MTMR6: variants seen among roughly 807,000 people sequenced by gnomAD.
MTMR6 encodes phosphatidylinositol-3,5-bisphosphate 3-phosphatase MTMR6.
A neutral mutation model predicts 80.1 loss-of-function variants in MTMR6; 47 were observed. That is an observed-to-expected ratio of 0.59 (90% CI 0.46 to 0.75). The LOEUF (loss-of-function observed/expected upper bound fraction) is 0.75. Among genes scored for constraint, MTMR6 ranks in the 30% least tolerant of loss-of-function variants. The probability of loss-of-function intolerance (pLI) is 0.00; values close to 1 mark genes in which losing one functional copy is unlikely to be tolerated. For missense variants in MTMR6, 629 were observed against 730.9 expected (o/e 0.86, Z 1.61); for synonymous variants, 254 against 253.0 (o/e 1.00, Z -0.04).
In MTMR6 at chr13:25,261,551, A is replaced by G. The variant is rs74042903; in HGVS notation, c.726+117T>C. ...TGATTTCCTTAGTATCATTAGCCTT[A>G]GTTAATTTAAAACTAGGATTCAGAT... On this transcript the variant is annotated intron_variant, in intron 6 of 13. Coordinates refer to ENST00000381801, the MANE Select transcript of MTMR6 (RefSeq NM_004685.5). The G allele has an allele frequency of 6.3e-3, 5,544 of 883,006 alleles. 226 individuals carry two copies. In the African/African-American group the frequency reaches 0.084, roughly 13 times the overall value. 54.7% of individuals were successfully genotyped at this position (883,006 alleles called of 1,614,324 possible).
chr13:25,253,073 C>T (rs868304446), intron 11 of MTMR6, among the ~76,000 whole-genome samples: 2 of 152,004 alleles, frequency 1.3e-5, no homozygotes, highest in African/African-American at 4.8e-5. Flanking sequence ...ATACATAGGA[C>T]CTCTAAGACC....
At chr13:25,267,667 C>T (rs1187745306) in intron 3 of MTMR6, 112 bp downstream of exon 3, 2 of 1,091,810 alleles carry the variant, frequency 1.8e-6, no homozygotes, top group South Asian at 1.8e-5. Context: ...ACAAAAGAAC[C>T]TGACTGTCAG....
intron 10 of MTMR6, 60 bp downstream of exon 10, chr13:25,254,325 G>A (rs1189509715): frequency 1.5e-5 from 18 of 1,179,926 alleles, no homozygotes; most frequent in African/African-American, 3.0e-5. Flanking sequence ...GAAACATTTT[G>A]GCATTCTAAA....
rs1030675314 is a variant in MTMR6 at position 25,250,263 on chromosome 13, G to C, written c.1606-771C>G. Among the ~76,000 whole-genome samples the C allele has an allele frequency of 2.6e-5, 4 of 152,108 alleles. No individual in the cohort carries two copies. The South Asian group carries it at 6.2e-4, about 24-fold the overall frequency. On this transcript the variant is annotated intron_variant, in intron 13 of 13. Coordinates refer to ENST00000381801, the MANE Select transcript of MTMR6 (RefSeq NM_004685.5). Reference sequence around the variant, plus strand: ...TAGGATGGCAGAAAAAAGATTATAGGAAAGTCTTAGGGTAGAGAGGGATTT... The same window carrying C: ...TAGGATGGCAGAAAAAAGATTATAGCAAAGTCTTAGGGTAGAGAGGGATTT...
intron 6 of MTMR6, 122 bp downstream of exon 6, chr13:25,261,546 G>A: frequency 2.4e-6 from 2 of 845,912 alleles, no homozygotes; most frequent in Non-Finnish European, 3.4e-6. Context: ...AGTATCATTA[G>A]CCTTAGTTAA....
In MTMR6 at chr13:25,276,412, AG is replaced by A. The variant is rs376688920; in HGVS notation, c.25-2226del. Reference sequence around the variant, plus strand: ...ACTGGCAAGTAGTTTAAAAGTGGGGAGGGGCTGATTTTATTACTATTTAAAT... The same window carrying A: ...ACTGGCAAGTAGTTTAAAAGTGGGGAGGGCTGATTTTATTACTATTTAAAT... On this transcript the variant is annotated intron_variant, in intron 1 of 13. Transcript: ENST00000381801. Among the ~76,000 whole-genome samples, 4 of 152,328 alleles carry A rather than the reference AG, an allele frequency of 2.6e-5. No individual in the cohort carries two copies. The East Asian group carries it at 7.7e-4, about 29-fold the overall frequency.
chr13:25,251,323 T>C lies in MTMR6; in HGVS notation c.1605+326A>G, dbSNP rs911705214. On this transcript the variant is annotated intron_variant, in intron 13 of 13. Transcript: ENST00000381801. This position sits in a 1 kb window ranked among gnomAD's most constrained non-coding sequence, Gnocchi z 4.1. ...GGCGTGAGCCACTGCGCCCGGCCTATGTTTTATTTCTTAAAACAAGAACAA... is the reference window on the plus strand; with the variant it reads ...GGCGTGAGCCACTGCGCCCGGCCTACGTTTTATTTCTTAAAACAAGAACAA... Among the ~76,000 whole-genome samples, 3 of 152,308 alleles carry C rather than the reference T, an allele frequency of 2.0e-5. No individual in the cohort carries two copies. The highest frequency in any genetic ancestry group is 2.9e-5 in the Non-Finnish European group (2 of 68,020).
Position 25,249,098 on chromosome 13 carries a change from C to A in MTMR6, c.*134G>T. On this transcript the variant is annotated 3_prime_UTR_variant, in exon 14 of 14. Transcript: ENST00000381801. ...TTCTCTCACAAGGGTAGTTATTATC[C>A]TTCCTTCAACTATTAGCCTACTGTT... The A allele has an allele frequency of 9.3e-6, 8 of 862,150 alleles. No individual in the cohort carries two copies. The highest frequency in any genetic ancestry group is 2.9e-5 in the Admixed American group (1 of 33,952). The allele number at this position is 862,150 out of a possible 1,614,324, so 53.4% of individuals were successfully genotyped here. A position where few individuals can be genotyped will look rare whatever the true frequency, so the allele number is the denominator to read the frequency against.
intron 9 of MTMR6, among the ~76,000 whole-genome samples, chr13:25,255,726 A>G (rs1441040880): frequency 6.6e-6 from 1 of 151,872 alleles, no homozygotes; most frequent in Non-Finnish European, 1.5e-5. Flanking sequence ...GTTTCACCAT[A>G]TTGGCCAGGC....
Position 25,246,769 on chromosome 13 carries a change from T to C in MTMR6, c.*2463A>G, listed in dbSNP as rs371291248. On this transcript the variant is annotated 3_prime_UTR_variant, in exon 14 of 14. Coordinates refer to ENST00000381801, the MANE Select transcript of MTMR6 (RefSeq NM_004685.5). ...ACCCGACCAAATAAATTGAATTTGT[T>C]TTAAAAGAGTTCCCTTCATCTTTAC... is the stretch of plus-strand genomic sequence containing the variant. 1 of 152,702 alleles carries C rather than the reference T, an allele frequency of 6.5e-6. No individual in the cohort carries two copies. Among genetic ancestry groups the C allele is most frequent in the East Asian group, 1.9e-4 (1 of 5,204 alleles). 9.5% of individuals were successfully genotyped at this position (152,702 alleles called of 1,614,324 possible). A position where few individuals can be genotyped will look rare whatever the true frequency, so the allele number is the denominator to read the frequency against.
intron 1 of MTMR6, among the ~76,000 whole-genome samples, chr13:25,281,035 T>C (rs1957831209): frequency 1.3e-5 from 2 of 152,148 alleles, no homozygotes; most frequent in Admixed American, 1.3e-4. Flanking sequence ...TCAGAAAATG[T>C]TGGGGCCACT....
At chr13:25,286,988 C>T (rs1335464532) in intron 1 of MTMR6, among the ~76,000 whole-genome samples, 1 of 152,140 alleles carries the variant, frequency 6.6e-6, no homozygotes, top group Admixed American at 6.5e-5. Flanking sequence ...TCTACGCACT[C>T]CAAGATGCTG....
intron 13 of MTMR6, among the ~76,000 whole-genome samples, chr13:25,250,208 A>G (rs1384705479): frequency 6.6e-6 from 1 of 152,170 alleles, no homozygotes; most frequent in Non-Finnish European, 1.5e-5. Flanking sequence ...TAAAAAATAT[A>G]TATATACTTA....
chr13:25,286,523 T>A (rs1254067236), intron 1 of MTMR6, among the ~76,000 whole-genome samples: 1 of 152,252 alleles, frequency 6.6e-6, no homozygotes, highest in Non-Finnish European at 1.5e-5. Flanking sequence ...AATAAAAATA[T>A]TTGTTCGTTC....
At chr13:25,257,472 T>C (rs1957237883) in intron 8 of MTMR6, 151 bp from the exon 9 acceptor site, 1 of 971,420 alleles carries the variant, frequency 1.0e-6, no homozygotes, top group Admixed American at 3.4e-5. Context: ...CACAACAAAA[T>C]ATGGTAACAA....
At chr13:25,283,145 C>A (rs1957894576) in intron 1 of MTMR6, among the ~76,000 whole-genome samples, 1 of 151,560 alleles carries the variant, frequency 6.6e-6, no homozygotes, top group Non-Finnish European at 1.5e-5. Flanking sequence ...TTCTTACTCA[C>A]ACTGCCCCAA....
At chr13:25,250,264 A>G (rs1228700723) in intron 13 of MTMR6, among the ~76,000 whole-genome samples, 1 of 152,172 alleles carries the variant, frequency 6.6e-6, no homozygotes, top group Non-Finnish European at 1.5e-5. Context: ...AGATTATAGG[A>G]AAGTCTTAGG....
chr13:25,259,563 T>C (rs1957287546), intron 6 of MTMR6, among the ~76,000 whole-genome samples: 1 of 152,186 alleles, frequency 6.6e-6, no homozygotes, highest in Non-Finnish European at 1.5e-5. Flanking sequence ...AAGTAAAATC[T>C]ACAGTTAGAT....
intron 2 of MTMR6, among the ~76,000 whole-genome samples, chr13:25,271,972 A>C (rs1244826581): frequency 2.0e-5 from 3 of 152,238 alleles, no homozygotes; most frequent in African/African-American, 7.2e-5. Flanking sequence ...AGTGTGGTAC[A>C]GTGTAGTCAG....
Sources: allele counts gnomAD v4.1 joint callset (sites outside exome capture counted in the v4.1 genomes callset), GRCh38; gene constraint gnomAD v4.1.1; non-coding constraint Gnocchi (gnomAD v3.1); transcripts MANE v1.5; gene names NCBI Gene and HGNC (gene_info 2026-07-23, HGNC 2026-07-21).